Variants in SAMMSON observed in about 807,000 individuals in gnomAD.
The protein encoded by SAMMSON is survival associated mitochondrial melanoma specific oncogenic non-coding RNA, also known as long intergenic non-protein coding RNA 1212.
At chr3:70,401,947 T>C (rs991488722) in intron 2 of SAMMSON, among the ~76,000 whole-genome samples, 1 of 152,218 alleles carries the variant, frequency 6.6e-6, no homozygotes, top group African/African-American at 2.4e-5. Flanking sequence ...CTCTTCCTAA[T>C]CACATTTCTT....
chr3:70,289,637 T>G (rs1457662819), intron 6 of SAMMSON, among the ~76,000 whole-genome samples: 2 of 151,552 alleles, frequency 1.3e-5, no homozygotes, highest in African/African-American at 4.8e-5. Context: ...TTCTCCTGGA[T>G]AATATCCTGC....
chr3:70,155,168 T>A lies in SAMMSON; in HGVS notation n.507+83603T>A, dbSNP rs150814857. 3.4e-3 allele frequency among the ~76,000 whole-genome samples: 511 copies of A among 152,060 alleles called. 1 individual carries two copies. The highest frequency in any genetic ancestry group is 0.011 in the African/African-American group (476 of 41,532). The stretch of plus-strand genomic sequence containing the variant: ...CTGCAACCTCGGTCAGGTCACCTAT[T>A]TGGGCCTCATTTTCCTCATTTGTAA... On this transcript the variant is annotated intron_variant and non_coding_transcript_variant, in intron 4 of 9. Coordinates refer to ENST00000642114, the Ensembl canonical transcript of SAMMSON.
At chr3:70,275,758 C>T (rs1260050178) in intron 6 of SAMMSON, among the ~76,000 whole-genome samples, 1 of 152,136 alleles carries the variant, frequency 6.6e-6, no homozygotes, top group East Asian at 1.9e-4. Context: ...TTATGAAGTA[C>T]TTTCAGAAGT....
intron 2 of SAMMSON, among the ~76,000 whole-genome samples, chr3:70,411,026 T>G (rs1178652346): frequency 2.6e-5 from 4 of 152,188 alleles, no homozygotes; most frequent in African/African-American, 9.7e-5. Context: ...ATTGACATTG[T>G]TTAGCACAAC....
At chr3:70,189,073 A>G (rs1160325594) in intron 4 of SAMMSON, among the ~76,000 whole-genome samples, 1 of 152,196 alleles carries the variant, frequency 6.6e-6, no homozygotes, top group Non-Finnish European at 1.5e-5. Context: ...TACCGCCCCC[A>G]GCACAAAGAA....
intron 4 of SAMMSON, among the ~76,000 whole-genome samples, chr3:70,100,747 G>C (rs1421376107): frequency 6.6e-6 from 1 of 152,076 alleles, no homozygotes; most frequent in Non-Finnish European, 1.5e-5. Flanking sequence ...TTGAAGCTGG[G>C]ATCTAGCCCA....
chr3:70,107,571 C>A (rs1213967859), intron 4 of SAMMSON, among the ~76,000 whole-genome samples: 2 of 147,890 alleles, frequency 1.4e-5, no homozygotes, highest in African/African-American at 5.0e-5. Flanking sequence ...CCCTCTTGTT[C>A]TCAGTTCTAC....
intron 6 of SAMMSON, among the ~76,000 whole-genome samples, chr3:70,286,398 G>C (rs1217966822): frequency 2.0e-5 from 3 of 151,854 alleles, no homozygotes; most frequent in African/African-American, 2.4e-5. Context: ...TGAGGGCTCT[G>C]TTCTGTTCCA....
At chr3:70,296,557 C>A (rs1702291022) in intron 7 of SAMMSON, among the ~76,000 whole-genome samples, 1 of 151,672 alleles carries the variant, frequency 6.6e-6, no homozygotes, top group South Asian at 2.1e-4. Context: ...GGAATCTACC[C>A]TACATTTCTC....
At chr3:70,294,154 C>T (rs552931544) in intron 7 of SAMMSON, among the ~76,000 whole-genome samples, 158 of 152,016 alleles carry the variant, frequency 1.0e-3, no homozygotes, top group South Asian at 4.6e-3. Context: ...ATAATACTAC[C>T]CTAGCATTTA....
intron 3 of SAMMSON, among the ~76,000 whole-genome samples, chr3:70,048,262 T>C (rs2107588522): frequency 6.6e-6 from 1 of 152,224 alleles, no homozygotes; most frequent in East Asian, 1.9e-4. Context: ...AATAAACAAA[T>C]TAAGGTTCAT....
intron 6 of SAMMSON, among the ~76,000 whole-genome samples, chr3:70,269,362 T>C (rs1449925760): frequency 1.3e-5 from 2 of 152,188 alleles, no homozygotes; most frequent in East Asian, 3.8e-4. Flanking sequence ...GTAACCTGTC[T>C]GGATACATAG....
intron 2 of SAMMSON, among the ~76,000 whole-genome samples, chr3:70,396,039 A>C (rs528488730): frequency 6.6e-6 from 1 of 152,196 alleles, no homozygotes; most frequent in Admixed American, 6.5e-5. Flanking sequence ...GAGAACACTA[A>C]GTTCATCCAA....
chr3:70,008,326 C>A (rs578110340), intron 1 of SAMMSON, among the ~76,000 whole-genome samples: 2 of 152,042 alleles, frequency 1.3e-5, no homozygotes, highest in African/African-American at 2.4e-5. Flanking sequence ...TTTCATTGAG[C>A]GGTGGTTTGT....
At position 70,312,335 on chromosome 3, in the gene SAMMSON, A is replaced by C. The variant is rs1575623193; in HGVS notation, n.739+21092A>C. Among the ~76,000 whole-genome samples the C allele has an allele frequency of 2.6e-5, 4 of 152,338 alleles. No homozygotes were observed. The South Asian group carries it at 8.3e-4, about 32-fold the overall frequency. ...TATAGCCTATAGAAAAGCATGCTGC[A>C]AAGTGGTATGCAAAGAGACAAATAA... is the stretch of plus-strand genomic sequence containing the variant. On this transcript the variant is annotated intron_variant and non_coding_transcript_variant, in intron 7 of 9. Transcript: ENST00000642114.
intron 3 of SAMMSON, among the ~76,000 whole-genome samples, chr3:70,031,385 G>C (rs7430411): frequency 6.6e-6 from 1 of 151,960 alleles, no homozygotes; most frequent in Non-Finnish European, 1.5e-5. Flanking sequence ...GGGTTTGGGG[G>C]AGATAGGGGG....
chr3:70,085,015 C>G (rs542084290), intron 4 of SAMMSON, among the ~76,000 whole-genome samples: 4 of 152,186 alleles, frequency 2.6e-5, no homozygotes, highest in East Asian at 3.9e-4. Flanking sequence ...TAGGTGAGTT[C>G]TGGGGAGGAA....
intron 9 of SAMMSON, among the ~76,000 whole-genome samples, chr3:70,377,659 G>A (rs1290297129): frequency 6.6e-6 from 1 of 152,058 alleles, no homozygotes; most frequent in African/African-American, 2.4e-5. Context: ...TATTATTTTT[G>A]TGGTGAAGTA....
At chr3:70,148,767 A>G (rs1305586091) in intron 4 of SAMMSON, among the ~76,000 whole-genome samples, 1 of 152,112 alleles carries the variant, frequency 6.6e-6, no homozygotes, top group Admixed American at 6.6e-5. Context: ...TGAGGGATTC[A>G]TTTCCCTGAC....
Sources: gnomAD v4.1 joint callset for allele counts (sites outside exome capture counted in the v4.1 genomes callset) on GRCh38, gnomAD v4.1.1 for gene constraint, MANE v1.5 for transcripts, NCBI Gene and HGNC (gene_info 2026-07-23, HGNC 2026-07-21) for gene names.